The following PDE6B variants were observed in gnomAD, a reference collection of about 807,000 sequenced individuals.
PDE6B encodes phosphodiesterase 6B.
Under a neutral mutation model 109.0 loss-of-function variants are expected in PDE6B, and 106 were observed. The ratio of observed to expected loss-of-function variants is 0.97; its 90% confidence interval spans 0.83 to 1.14. The LOEUF (loss-of-function observed/expected upper bound fraction) is 1.14. PDE6B is among the 50% of genes most tolerant of loss of function. The pLI is 0.00. For synonymous variants in PDE6B, 490 were observed against 471.3 expected, an observed-to-expected ratio of 1.04 and a Z score of -0.51; for missense variants, 1,193 against 1,155.6, an observed-to-expected ratio of 1.03 and a Z score of -0.47.
chr4:667,938 A>T lies in PDE6B; in HGVS notation c.2435A>T (p.Asp812Val), dbSNP rs765188397. 2 of 1,613,416 alleles carry T rather than the reference A, an allele frequency of 1.2e-6. No individual in the cohort carries two copies. The highest frequency in any genetic ancestry group is 4.5e-5 in the East Asian group (2 of 44,868). ...NNRKEWKALA[D>V]EYEAKVKALE... ...AGGAAAGAGTGGAAGGCGCTGGCTG[A>T]TGAGTATGAGGCCAAAGTGAAGGCT... Residue 812 changes from aspartate (D) to valine (V), a missense_variant, in exon 21 of 22, where the codon GAT (aspartate) becomes GTT (valine). Transcript: ENST00000496514.
chr4:664,348 T>G, intron 17 of PDE6B, 127 bp downstream of exon 17: 1 of 711,104 alleles, frequency 1.4e-6, no homozygotes, highest in South Asian at 1.5e-5. Context: ...CGGCAGCTTG[T>G]CGAGGGCTGT....
At chr4:628,333 G>A (rs1022939802) in intron 1 of PDE6B, among the ~76,000 whole-genome samples, 12 of 152,314 alleles carry the variant, frequency 7.9e-5, no homozygotes, top group East Asian at 1.9e-4. Context: ...GGCGTGAGCC[G>A]CACCGGCCAG....
At position 655,944 on chromosome 4, in the gene PDE6B, C is replaced by T; in HGVS notation, c.997C>T (p.Pro333Ser). 1.9e-6 allele frequency: 3 copies of T among 1,607,068 alleles called. No homozygotes were observed. Among genetic ancestry groups the T allele is most frequent in the Non-Finnish European group, 2.6e-6 (3 of 1,173,922 alleles). ...GKEEIKVIPTPSADHWALASG... is the reference protein window; with the variant it reads ...GKEEIKVIPTSSADHWALASG... ...ACCCCTGCTCTCTGCCCACAGCACA[C>T]CCTCAGCCGATCACTGGGCCCTGGC... Residue 333 changes from proline to serine, a missense_variant, in exon 7 of 22, where the codon CCC becomes TCC. Coordinates refer to ENST00000496514, the MANE Select transcript of PDE6B (RefSeq NM_000283.4).
Position 645,547 on chromosome 4 carries a change from G to A in PDE6B, c.712-8305G>A, listed in dbSNP as rs929643995. On this transcript the variant is annotated intron_variant, in intron 3 of 21. Coordinates refer to ENST00000496514, the MANE Select transcript of PDE6B (RefSeq NM_000283.4). Reference sequence around the variant, plus strand: ...CCTGACCTCGTGATCCGCCCGCCTCGGCCTCCCAAAGTGCTGGGATTACAG... The same window carrying A: ...CCTGACCTCGTGATCCGCCCGCCTCAGCCTCCCAAAGTGCTGGGATTACAG... Among the ~76,000 whole-genome samples the A allele has an allele frequency of 5.3e-5, 8 of 151,640 alleles. No homozygotes were observed. The South Asian group carries it at 1.0e-3, about 20-fold the overall frequency.
chr4:652,880 CA>C (rs35436502), intron 3 of PDE6B: 24,850 of 152,018 alleles, frequency 0.16, 2,478 homozygotes, highest in African/African-American at 0.26. Flanking sequence ...GTTCTCACCA[CA>C]AAAAAAACAA....
intron 3 of PDE6B, among the ~76,000 whole-genome samples, chr4:642,660 G>C (rs549539175): frequency 4.1e-5 from 6 of 147,000 alleles, no homozygotes; most frequent in Non-Finnish European, 8.9e-5. Flanking sequence ...GCCAGGTGTG[G>C]TGGTGTGTGC....
In PDE6B at chr4:633,403, TGAG is replaced by T. The variant is rs1242254395; in HGVS notation, c.469-1270_469-1268del. Reference sequence around the variant, plus strand: ...AGCTGTATCTCCAAGAATCAGGAAATGAGGAGCAGGAAGGGTGGGTGCCATTTA... The same window carrying T: ...AGCTGTATCTCCAAGAATCAGGAAATGAGCAGGAAGGGTGGGTGCCATTTA... On this transcript the variant is annotated intron_variant, in intron 1 of 21. Coordinates refer to ENST00000496514, the MANE Select transcript of PDE6B (RefSeq NM_000283.4). This position sits in a 1 kb window ranked among gnomAD's most constrained non-coding sequence, Gnocchi z 4.5. 6.6e-6 allele frequency among the ~76,000 whole-genome samples: 1 copy of T among 152,104 alleles called. No homozygotes were observed. The highest frequency in any genetic ancestry group is 2.4e-5 in the African/African-American group (1 of 41,418).
At chr4:654,992 C>A in intron 6 of PDE6B, 104 bp downstream of exon 6, 1 of 802,726 alleles carries the variant, frequency 1.2e-6, no homozygotes, top group Non-Finnish European at 2.2e-6. Context: ...ACGGTGCAGT[C>A]AGCAGCACCG....
intron 10 of PDE6B, among the ~76,000 whole-genome samples, chr4:658,566 GA>G (rs1736654895): frequency 6.6e-6 from 1 of 152,104 alleles, no homozygotes; most frequent in African/African-American, 2.4e-5. Context: ...GTGTGGTGGG[GA>G]CACGGCCCTG....
rs1195425346 is a variant in PDE6B at position 626,300 on chromosome 4, A to G, written c.468+206A>G. Among the ~76,000 whole-genome samples, 3 of 152,182 alleles carry G rather than the reference A, an allele frequency of 2.0e-5. No individual in the cohort carries two copies. Among genetic ancestry groups the G allele is most frequent in the Non-Finnish European group, 4.4e-5 (3 of 68,020 alleles). ...GCCTCTCCGACTCGGCTTCTGGCTC[A>G]AGCTGACATCGCATGGCCACTGAGT... is the stretch of plus-strand genomic sequence containing the variant. On this transcript the variant is annotated intron_variant, in intron 1 of 21. Coordinates refer to ENST00000496514, the MANE Select transcript of PDE6B (RefSeq NM_000283.4). This position sits in a 1 kb window ranked among gnomAD's most constrained non-coding sequence, Gnocchi z 4.6.
intron 3 of PDE6B, among the ~76,000 whole-genome samples, chr4:643,333 T>A (rs568029275): frequency 6.6e-5 from 10 of 152,258 alleles, no homozygotes; most frequent in African/African-American, 2.2e-4. Flanking sequence ...AAAAGAATTT[T>A]TGCATCTATA....
At chr4:649,367 GACAC>G (rs1052874753) in intron 3 of PDE6B, among the ~76,000 whole-genome samples, 1 of 152,106 alleles carries the variant, frequency 6.6e-6, no homozygotes, top group African/African-American at 2.4e-5. Flanking sequence ...CTGATGCCAG[GACAC>G]ACACTAGATT....
rs1738387026 is a variant in PDE6B, at chr4:670,403, T to C, written c.*296T>C. ...GACTACAGGCGCCCACCACCACACA[T>C]GGCTAATTTTTGTATTTTCAGTACA... is the stretch of plus-strand genomic sequence containing the variant. On this transcript the variant is annotated 3_prime_UTR_variant, in exon 22 of 22. Transcript: ENST00000496514. The C allele has an allele frequency of 1.4e-5, 5 of 361,054 alleles. No homozygotes were observed. Among genetic ancestry groups the C allele is most frequent in the Non-Finnish European group, 1.1e-5 (2 of 190,072 alleles). 22.4% of individuals were successfully genotyped at this position (361,054 alleles called of 1,614,324 possible).
intron 3 of PDE6B, among the ~76,000 whole-genome samples, chr4:651,076 C>A (rs1735494673): frequency 6.6e-6 from 1 of 150,764 alleles, no homozygotes; most frequent in Admixed American, 6.6e-5. Context: ...ATGTCAACGG[C>A]AGTGGGGCTG....
chr4:656,770 G>A (rs952401166), intron 8 of PDE6B, 104 bp from the exon 9 acceptor site: 58 of 1,062,596 alleles, frequency 5.5e-5, no homozygotes, highest in African/African-American at 1.1e-4. Flanking sequence ...GAGCCCAGCC[G>A]TCACGGCTCT....
chr4:663,737 G>A lies in PDE6B; in HGVS notation c.1921-33G>A. ...CCGGGCACCCTGAGAGGTGGCCGCA[G>A]GGCGCCTGACGCGCTGGGCATAACC... On this transcript the variant is annotated intron_variant, in intron 15 of 21. Transcript: ENST00000496514. The surrounding 1 kb of genome is among the most constrained non-coding windows in gnomAD (Gnocchi z 4.0). 1.3e-6 allele frequency: 2 copies of A among 1,557,044 alleles called. No individual in the cohort carries two copies. The highest frequency in any genetic ancestry group is 1.8e-6 in the Non-Finnish European group (2 of 1,130,376).
rs530216209 is a variant in PDE6B at position 670,175 on chromosome 4, G to A, written c.*68G>A. ...CCACTAGGATTTGGGTTCTGCCTGT[G>A]GCTATTTGCTACAAGAGGTTAGGAA... is the stretch of plus-strand genomic sequence containing the variant. On this transcript the variant is annotated 3_prime_UTR_variant, in exon 22 of 22. Transcript: ENST00000496514. 6.0e-5 allele frequency: 97 copies of A among 1,610,930 alleles called. 3 individuals are homozygous for A. The South Asian group carries it at 1.0e-3, about 17-fold the overall frequency.
chr4:650,180 G>A (rs1735431748), intron 3 of PDE6B, among the ~76,000 whole-genome samples: 1 of 152,238 alleles, frequency 6.6e-6, no homozygotes, highest in African/African-American at 2.4e-5. Flanking sequence ...GGACAAGTCT[G>A]GAAAACTCCA....
intron 1 of PDE6B, among the ~76,000 whole-genome samples, 183 bp from the exon 2 acceptor site, chr4:634,494 G>C (rs1282765776): frequency 2.0e-5 from 3 of 152,132 alleles, no homozygotes; most frequent in African/African-American, 7.2e-5. Flanking sequence ...AGCCAGGCTG[G>C]AGCCACAGGG....
Sources: gnomAD v4.1 joint callset for allele counts (sites outside exome capture counted in the v4.1 genomes callset) on GRCh38, gnomAD v4.1.1 for gene constraint, Gnocchi (gnomAD v3.1) non-coding constraint, MANE v1.5 for transcripts, NCBI Gene and HGNC (gene_info 2026-07-23, HGNC 2026-07-21) for gene names.